MSN: variants seen among roughly 807,000 people sequenced by gnomAD.
MSN encodes the protein epididymis luminal protein 70.
MSN carries 2 observed loss-of-function variants against 48.0 expected under a neutral mutation model. The ratio of observed to expected loss-of-function variants is 0.04; its 90% confidence interval spans 0.02 to 0.13. The LOEUF (loss-of-function observed/expected upper bound fraction) is 0.13. Ranked by LOEUF, MSN falls within the 10% of genes least tolerant of loss-of-function variation. The probability of loss-of-function intolerance (pLI) is 1.00; values close to 1 mark genes in which losing one functional copy is unlikely to be tolerated. For missense variants in MSN, 267 were observed against 470.1 expected (o/e 0.57, Z 3.99); for synonymous variants, 146 against 166.9 (o/e 0.87, Z 0.97).
chrX:65,645,167 C>T (rs2070685918), intron 1 of MSN, among the ~76,000 whole-genome samples: 2 of 111,697 alleles, frequency 1.8e-5, no homozygotes, highest in South Asian at 7.5e-4. Context: ...GGCTGGCAGG[C>T]CTTCAGGCTA....
chrX:65,644,620 A>T (rs1018217047), intron 1 of MSN, among the ~76,000 whole-genome samples: 1 of 112,259 alleles, frequency 8.9e-6, no homozygotes, highest in Non-Finnish European at 1.9e-5. Flanking sequence ...AGGGGGAATC[A>T]AATTCAGACT....
chrX:65,686,583 TGTGG>T (rs1410046692), intron 1 of MSN, among the ~76,000 whole-genome samples: 1 of 112,751 alleles, frequency 8.9e-6, no homozygotes, highest in African/African-American at 3.2e-5. Context: ...CTTGAGAAGG[TGTGG>T]ATCCAAAGTA....
intron 2 of MSN, among the ~76,000 whole-genome samples, chrX:65,721,318 G>T (rs1196550970): frequency 4.4e-5 from 5 of 112,429 alleles, no homozygotes; most frequent in Admixed American, 3.8e-4. Context: ...TAGCCTCTCA[G>T]TACTTTCCTT....
intron 1 of MSN, among the ~76,000 whole-genome samples, chrX:65,681,919 T>C (rs1021972446): frequency 6.3e-5 from 7 of 111,359 alleles, no homozygotes; most frequent in African/African-American, 2.0e-4. Context: ...GCCAGTTTTT[T>C]ATTTTTTTTT....
At chrX:65,699,007 C>T (rs987320718) in intron 1 of MSN, among the ~76,000 whole-genome samples, 3 of 111,728 alleles carry the variant, frequency 2.7e-5, no homozygotes, top group Admixed American at 1.9e-4. Context: ...CTCTCCCTCC[C>T]GTCAAGCTGC....
At chrX:65,731,228 T>C in intron 5 of MSN, 38 bp downstream of exon 5, 1 of 1,077,051 alleles carries the variant, frequency 9.3e-7, no homozygotes, top group South Asian at 2.0e-5. Context: ...CCACTTCCCT[T>C]ACAGGGTGAA....
intron 1 of MSN, among the ~76,000 whole-genome samples, chrX:65,654,144 CG>C (rs1418332609): frequency 1.3e-5 from 1 of 76,291 alleles, no homozygotes; most frequent in Non-Finnish European, 2.4e-5. Context: ...CTTCCTCTGT[CG>C]CCCAGGCTGG....
chrX:65,703,369 T>C (rs1288690696), intron 1 of MSN, among the ~76,000 whole-genome samples: 1 of 110,935 alleles, frequency 9.0e-6, no homozygotes, highest in East Asian at 2.8e-4. Context: ...TTTTATAGAT[T>C]AGGAAACTGA....
intron 1 of MSN, among the ~76,000 whole-genome samples, chrX:65,621,480 T>C (rs1170225257): frequency 1.8e-5 from 2 of 112,199 alleles, no homozygotes; most frequent in Non-Finnish European, 3.8e-5. Flanking sequence ...TCTATACTTA[T>C]GCCAGTACTG....
intron 1 of MSN, among the ~76,000 whole-genome samples, chrX:65,671,075 G>C (rs944804709): frequency 2.9e-5 from 3 of 104,589 alleles, no homozygotes; most frequent in African/African-American, 7.0e-5. Flanking sequence ...AGATGTTCTT[G>C]AGTTTCTGGT....
At chrX:65,688,493 A>T (rs1358213913) in intron 1 of MSN, among the ~76,000 whole-genome samples, 1 of 111,930 alleles carries the variant, frequency 8.9e-6, no homozygotes, top group Non-Finnish European at 1.9e-5. Flanking sequence ...GGGAGACAGA[A>T]GACTTTGGTT....
chrX:65,692,093 G>A (rs1191480920), intron 1 of MSN, among the ~76,000 whole-genome samples: 1 of 112,473 alleles, frequency 8.9e-6, no homozygotes, highest in Non-Finnish European at 1.9e-5. Flanking sequence ...AACCTTTTCT[G>A]AGGGAATAGG....
At chrX:65,696,611 G>T (rs1011315626) in intron 1 of MSN, among the ~76,000 whole-genome samples, 1 of 111,047 alleles carries the variant, frequency 9.0e-6, no homozygotes, top group Non-Finnish European at 1.9e-5. Flanking sequence ...ATATGTGTGT[G>T]GGGGGCTAGA....
At chrX:65,704,694 G>C (rs1419040292) in intron 1 of MSN, among the ~76,000 whole-genome samples, 2 of 109,140 alleles carry the variant, frequency 1.8e-5, no homozygotes, top group Admixed American at 2.0e-4. Context: ...ATAATAGTAT[G>C]CTTGAAGTAT....
At chrX:65,672,412 G>A (rs1196499077) in intron 1 of MSN, among the ~76,000 whole-genome samples, 1 of 111,928 alleles carries the variant, frequency 8.9e-6, no homozygotes, top group Non-Finnish European at 1.9e-5. Context: ...GTCTCCTTTG[G>A]GATAGTCTGT....
chrX:65,667,066 A>G (rs1190210304), upstream of MSN, among the ~76,000 whole-genome samples: 1 of 111,648 alleles, frequency 9.0e-6, no homozygotes, highest in African/African-American at 3.3e-5. Context: ...GGAGAGTCCT[A>G]CGGAAGAGAA....
At chrX:65,628,851 G>T (rs765818920) in intron 1 of MSN, among the ~76,000 whole-genome samples, 1 of 110,025 alleles carries the variant, frequency 9.1e-6, no homozygotes, top group Admixed American at 9.8e-5. Context: ...GATCACCTGA[G>T]GTCAAGAGTT....
intron 1 of MSN, among the ~76,000 whole-genome samples, chrX:65,631,963 C>T (rs2070562378): frequency 1.8e-5 from 2 of 111,975 alleles, no homozygotes; most frequent in Admixed American, 1.9e-4. Context: ...AGGCATGACC[C>T]ACCCCACCCC....
intron 1 of MSN, among the ~76,000 whole-genome samples, chrX:65,695,507 CAAAAAAAA>C (rs759652563): frequency 2.3e-4 from 3 of 12,963 alleles, no homozygotes; most frequent in African/African-American, 5.0e-4. Flanking sequence ...AACTCTGTCT[CAAAAAAAA>C]AAAAAAAAAA....
Sources: gnomAD v4.1 joint callset for allele counts (sites outside exome capture counted in the v4.1 genomes callset) on GRCh38, gnomAD v4.1.1 for gene constraint, MANE v1.5 for transcripts, NCBI Gene and HGNC (gene_info 2026-07-23, HGNC 2026-07-21) for gene names.